Variants in UNC13C observed in about 807,000 individuals in gnomAD.
The protein encoded by UNC13C is unc-13 homolog C.
A neutral mutation model predicts 245.4 loss-of-function variants in UNC13C; 174 were observed. The ratio of observed to expected loss-of-function variants is 0.71; its 90% CI spans 0.63 to 0.80. The LOEUF (loss-of-function observed/expected upper bound fraction) is 0.80. Ranked by LOEUF, UNC13C falls within the 30% of genes least tolerant of loss-of-function variation. The pLI, the probability that UNC13C is intolerant of heterozygous loss-of-function variation, is 0.00. For missense variants in UNC13C, 2,829 were observed against 2,602.9 expected, an observed-to-expected ratio of 1.09 and a Z score of -1.89; for synonymous variants, 992 against 895.1, an observed-to-expected ratio of 1.11 and a Z score of -1.93.
At chr15:54,348,883 T>C (rs552287115) in intron 17 of UNC13C, among the ~76,000 whole-genome samples, 1 of 152,166 alleles carries the variant, frequency 6.6e-6, no homozygotes, top group African/African-American at 2.4e-5. Flanking sequence ...AAACTGGCTA[T>C]AATATGTCCC....
intron 4 of UNC13C, among the ~76,000 whole-genome samples, chr15:54,190,412 C>T (rs16974291): frequency 0.013 from 2,019 of 152,166 alleles, 55 homozygotes; most frequent in African/African-American, 0.046. Context: ...TTAGGGAGAG[C>T]TCACTTTACC....
intron 2 of UNC13C, among the ~76,000 whole-genome samples, chr15:54,054,831 C>G (rs1009216063): frequency 2.6e-5 from 4 of 151,492 alleles, no homozygotes; most frequent in African/African-American, 9.7e-5. Flanking sequence ...TTTGTTTTCT[C>G]TTGCTGACCC....
rs532531237 is a variant in UNC13C, at chr15:54,102,568, A to G, written c.2984-40450A>G. ...TAGAGGTGTTCTATCCGTGTTTTAT[A>G]GGATGCAAGAAAAACAACAACTAAA... On this transcript the variant is annotated intron_variant, in intron 2 of 32. Transcript: ENST00000260323. Among the ~76,000 whole-genome samples, 180 of 152,334 alleles carry G rather than the reference A, an allele frequency of 1.2e-3. 1 individual carries two copies. The highest frequency in any genetic ancestry group is 4.2e-3 in the African/African-American group (176 of 41,576).
chr15:54,499,525 G>A (rs995812601), intron 20 of UNC13C, among the ~76,000 whole-genome samples: 2 of 152,040 alleles, frequency 1.3e-5, no homozygotes, highest in African/African-American at 2.4e-5. Context: ...TCAATGCGGT[G>A]GGGGAATAAA....
chr15:54,362,715 T>TC (rs1166014798), intron 17 of UNC13C, among the ~76,000 whole-genome samples: 1 of 152,082 alleles, frequency 6.6e-6, no homozygotes, highest in Non-Finnish European at 1.5e-5. Flanking sequence ...AAACAAGTCC[T>TC]CCAGGTACAC....
At chr15:54,207,689 C>T (rs772874729) in intron 4 of UNC13C, among the ~76,000 whole-genome samples, 2 of 152,074 alleles carry the variant, frequency 1.3e-5, no homozygotes, top group African/African-American at 2.4e-5. Context: ...TCTCTGACTT[C>T]TTAAACAATA....
intron 19 of UNC13C, among the ~76,000 whole-genome samples, chr15:54,481,931 G>T (rs1893142433): frequency 1.3e-5 from 2 of 152,170 alleles, no homozygotes; most frequent in African/African-American, 4.8e-5. Flanking sequence ...ACATGTGGAT[G>T]GGCCCATAAC....
intron 4 of UNC13C, among the ~76,000 whole-genome samples, chr15:54,210,854 C>G (rs1342055311): frequency 6.6e-6 from 1 of 152,058 alleles, no homozygotes; most frequent in Non-Finnish European, 1.5e-5. Flanking sequence ...GGAGGTGGGC[C>G]TTTGTGGATG....
At position 54,425,026 on chromosome 15, in the gene UNC13C, A is replaced by G. The variant is rs181007917; in HGVS notation, c.4933+9959A>G. ...CCTGATAAGCCAAGGCTGACATGCT[A>G]TGTATACAATGCCATGTGCTACAAG... is the stretch of plus-strand genomic sequence containing the variant. On this transcript the variant is annotated intron_variant, in intron 19 of 32. Transcript: ENST00000260323. Among the ~76,000 whole-genome samples, 3 of 151,956 alleles carry G rather than the reference A, an allele frequency of 2.0e-5. No individual in the cohort carries two copies. In the East Asian group the frequency reaches 5.9e-4, roughly 30 times the overall value.
chr15:54,519,791 T>C lies in UNC13C; in HGVS notation c.5458-5758T>C, dbSNP rs77398615. On this transcript the variant is annotated intron_variant, in intron 24 of 32. Transcript: ENST00000260323. ...TTACTTCTGACAACAAACCACAGTATTCATGCTGACACCACAGGCTTATGA... is the reference window on the plus strand; with the variant it reads ...TTACTTCTGACAACAAACCACAGTACTCATGCTGACACCACAGGCTTATGA... Among the ~76,000 whole-genome samples the C allele has an allele frequency of 3.9e-3, 596 of 152,248 alleles. 4 individuals carry two copies. The highest frequency in any genetic ancestry group is 0.014 in the African/African-American group (567 of 41,562).
intron 18 of UNC13C, among the ~76,000 whole-genome samples, chr15:54,413,003 T>C (rs2040445500): frequency 1.3e-5 from 2 of 152,286 alleles, no homozygotes; most frequent in South Asian, 4.1e-4. Context: ...GTTTGTCAAA[T>C]ACCTTTTCAG....
intron 1 of UNC13C, among the ~76,000 whole-genome samples, chr15:53,996,340 A>G (rs1475394493): frequency 6.6e-6 from 1 of 152,176 alleles, no homozygotes; most frequent in East Asian, 1.9e-4. Flanking sequence ...AGCAGGTTTA[A>G]GAGGTGAGGC....
chr15:54,022,492 G>A (rs998402775), intron 2 of UNC13C, among the ~76,000 whole-genome samples: 3 of 151,978 alleles, frequency 2.0e-5, no homozygotes, highest in Non-Finnish European at 4.4e-5. Flanking sequence ...GTTTTAATTT[G>A]CATTTCCCTG....
At chr15:54,326,786 T>C (rs2140987387) in intron 14 of UNC13C, among the ~76,000 whole-genome samples, 1 of 152,142 alleles carries the variant, frequency 6.6e-6, no homozygotes, top group East Asian at 1.9e-4. Flanking sequence ...GGGAGTAGAT[T>C]GTTGAAAATT....
At position 54,454,809 on chromosome 15, in the gene UNC13C, C is replaced by T. The variant is rs113842850; in HGVS notation, c.4933+39742C>T. ...CTTTTTTAAATTTTATTTATTCATT[C>T]ATTCATTCATTCATTCATTCATTCA... On this transcript the variant is annotated intron_variant, in intron 19 of 32. Coordinates refer to ENST00000260323, the MANE Select transcript of UNC13C (RefSeq NM_001080534.3). Among the ~76,000 whole-genome samples, 91 of 69,570 alleles carry T rather than the reference C, an allele frequency of 1.3e-3. No individual in the cohort carries two copies. The East Asian group carries it at 0.019, about 15-fold the overall frequency. The allele number at this position is 69,570 out of a possible 152,430, so 45.6% of individuals were successfully genotyped here. A position where few individuals can be genotyped will look rare whatever the true frequency, so the allele number is the denominator to read the frequency against.
intron 10 of UNC13C, among the ~76,000 whole-genome samples, chr15:54,273,900 G>C (rs1194976926): frequency 6.6e-6 from 1 of 152,170 alleles, no homozygotes; most frequent in East Asian, 1.9e-4. Context: ...GATCCCTGTT[G>C]ACTCAGATCC....
intron 7 of UNC13C, among the ~76,000 whole-genome samples, chr15:54,245,807 A>AT (rs572179599): frequency 2.4e-4 from 37 of 151,418 alleles, no homozygotes; most frequent in East Asian, 1.7e-3. Context: ...AACAAGAAGC[A>AT]TTTTTTTTTC....
At chr15:53,936,933 A>T in the UNC13C span, among the ~76,000 whole-genome samples, 1 of 152,216 alleles carries the variant, frequency 6.6e-6, no homozygotes, top group African/African-American at 2.4e-5. Flanking sequence ...GAAAGAATCA[A>T]TGCAAAAATG....
chr15:54,000,501 T>C (rs1894837345), intron 1 of UNC13C, among the ~76,000 whole-genome samples: 1 of 152,168 alleles, frequency 6.6e-6, no homozygotes, highest in African/African-American at 2.4e-5. Flanking sequence ...TAGTAAAATC[T>C]AAGAGTAAAA....
Sources: allele counts gnomAD v4.1 joint callset (sites outside exome capture counted in the v4.1 genomes callset), GRCh38; gene constraint gnomAD v4.1.1; transcripts MANE v1.5; gene names NCBI Gene and HGNC (gene_info 2026-07-23, HGNC 2026-07-21).